DNER: variants seen among roughly 807,000 people sequenced by gnomAD.
The protein encoded by DNER is delta/notch like EGF repeat containing, also known as delta and Notch-like epidermal growth factor-related receptor.
DNER carries 33 observed loss-of-function variants against 78.2 expected under a neutral mutation model. That is an observed-to-expected ratio of 0.42 (90% CI 0.32 to 0.56). DNER has a LOEUF of 0.56. DNER is among the 20% of genes least tolerant of loss of function. DNER has a pLI of 0.11. For missense variants in DNER, 918 were observed against 975.3 expected (o/e 0.94, Z 0.78); for synonymous variants, 417 against 384.8 (o/e 1.08, Z -0.98).
chr2:229,423,891 A>G (rs899437351), intron 8 of DNER, among the ~76,000 whole-genome samples: 1 of 152,184 alleles, frequency 6.6e-6, no homozygotes, highest in African/African-American at 2.4e-5. Context: ...CCATCGTAGC[A>G]TTTGTAACTG....
At chr2:229,434,532 T>A (rs975368596) in intron 8 of DNER, among the ~76,000 whole-genome samples, 3 of 152,098 alleles carry the variant, frequency 2.0e-5, no homozygotes, top group African/African-American at 7.3e-5. Context: ...CTCAATTATA[T>A]GAGTAAATTC....
At position 229,418,131 on chromosome 2, in the gene DNER, C is replaced by T. The variant is rs758825845; in HGVS notation, c.1586G>A (p.Cys529Tyr). Residue 529 changes from cysteine to tyrosine, a missense_variant, in exon 9 of 13, where the codon TGT becomes TAT. By Grantham distance (194) the Cys-to-Tyr change is radical. Coordinates refer to ENST00000341772, the MANE Select transcript of DNER (RefSeq NM_139072.4). ...TCRDLVNGYE[C>Y]VCLAEYKGTH... Reference sequence around the variant, plus strand: ...ACCTTTGTATTCTGCCAGGCACACACACTCATAGCCATTAACGAGGTCCCT... The same window carrying T: ...ACCTTTGTATTCTGCCAGGCACACATACTCATAGCCATTAACGAGGTCCCT... 1 of 1,614,196 alleles carries T rather than the reference C, an allele frequency of 6.2e-7. No homozygotes were observed. The highest frequency in any genetic ancestry group is 2.2e-5 in the East Asian group (1 of 44,878).
chr2:229,649,554 C>A (rs147820108), intron 1 of DNER, among the ~76,000 whole-genome samples: 1 of 152,298 alleles, frequency 6.6e-6, no homozygotes, highest in Non-Finnish European at 1.5e-5. Flanking sequence ...CGCCAAGATG[C>A]GCACAACTCT....
chr2:229,475,919 G>C (rs987357995), intron 7 of DNER, among the ~76,000 whole-genome samples: 3 of 152,188 alleles, frequency 2.0e-5, no homozygotes, highest in Admixed American at 6.5e-5. Context: ...GACTAACCAA[G>C]GGCGTGACAG....
intron 2 of DNER, among the ~76,000 whole-genome samples, chr2:229,590,741 G>T (rs778354313): frequency 6.6e-6 from 1 of 152,220 alleles, no homozygotes; most frequent in Non-Finnish European, 1.5e-5. Context: ...CTTGATCGTG[G>T]ACTTCCTTGT....
intron 6 of DNER, among the ~76,000 whole-genome samples, chr2:229,501,083 T>C (rs186688590): frequency 1.3e-5 from 2 of 152,042 alleles, no homozygotes; most frequent in East Asian, 3.9e-4. Context: ...GACTCTCAAA[T>C]AGGCAAACTC....
At chr2:229,586,423 A>AC (rs1198212300) in intron 3 of DNER, among the ~76,000 whole-genome samples, 4 of 96,782 alleles carry the variant, frequency 4.1e-5, no homozygotes, top group Non-Finnish European at 6.0e-5. Flanking sequence ...TTTCCCCAAC[A>AC]CCCCCCACCC....
intron 5 of DNER, among the ~76,000 whole-genome samples, chr2:229,518,401 T>A (rs1194958285): frequency 6.6e-6 from 1 of 152,258 alleles, no homozygotes; most frequent in African/African-American, 2.4e-5. Context: ...ACATGTTCTA[T>A]GTCAGATAAC....
chr2:229,648,642 G>A (rs977135307), intron 1 of DNER, among the ~76,000 whole-genome samples: 1 of 152,112 alleles, frequency 6.6e-6, no homozygotes. Flanking sequence ...GTTTTCCAAA[G>A]AATTCTTTTT....
At chr2:229,609,391 T>C (rs1698002629) in intron 1 of DNER, among the ~76,000 whole-genome samples, 1 of 152,042 alleles carries the variant, frequency 6.6e-6, no homozygotes, top group Admixed American at 6.6e-5. Flanking sequence ...TTTTTAAAGG[T>C]TGGAAAAATC....
At chr2:229,452,600 C>T (rs556698233) in intron 7 of DNER, among the ~76,000 whole-genome samples, 1 of 151,784 alleles carries the variant, frequency 6.6e-6, no homozygotes, top group African/African-American at 2.4e-5. Flanking sequence ...CCTGTTTGAG[C>T]CTTGTCTATT....
intron 1 of DNER, among the ~76,000 whole-genome samples, chr2:229,657,714 A>G (rs1698935195): frequency 6.6e-6 from 1 of 152,174 alleles, no homozygotes; most frequent in Non-Finnish European, 1.5e-5. Context: ...CTTTCAACCT[A>G]GTTCTTGTAT....
chr2:229,683,998 G>A (rs922698340), intron 1 of DNER, among the ~76,000 whole-genome samples: 2 of 152,114 alleles, frequency 1.3e-5, no homozygotes, highest in Non-Finnish European at 2.9e-5. Flanking sequence ...ACCTAAGGCT[G>A]GTCTTGTGGG....
intron 5 of DNER, among the ~76,000 whole-genome samples, chr2:229,536,657 C>T (rs564748512): frequency 2.0e-5 from 3 of 152,280 alleles, no homozygotes; most frequent in Non-Finnish European, 2.9e-5. Flanking sequence ...TCATTTTCTG[C>T]TCTTGGGCAT....
intron 8 of DNER, among the ~76,000 whole-genome samples, chr2:229,423,388 G>A (rs925316818): frequency 6.6e-6 from 1 of 152,082 alleles, no homozygotes; most frequent in African/African-American, 2.4e-5. Flanking sequence ...GCTGAGGCAG[G>A]TGGATCACTT....
Position 229,367,019 on chromosome 2 carries a change from A to G in DNER, c.1956T>C (p.Leu652=). ...IIGALCVAFI[L]MLIILIVGIC... ...TCCCCACGATCAGGATGATCAGCAT[A>G]AGGATGAAGGCCACGCAGAGGGCTC... The change falls in exon 12 of 13, where the codon CTT becomes CTC. Residue 652 remains leucine (L), a synonymous_variant. Transcript: ENST00000341772. 6.2e-7 allele frequency: 1 copy of G among 1,614,078 alleles called. No individual in the cohort carries two copies. Among genetic ancestry groups the G allele is most frequent in the Non-Finnish European group, 8.5e-7 (1 of 1,179,982 alleles).
chr2:229,668,600 C>T (rs183646799), intron 1 of DNER, among the ~76,000 whole-genome samples: 167 of 121,178 alleles, frequency 1.4e-3, no homozygotes, highest in Admixed American at 0.014. Context: ...ATTTATGTGG[C>T]CAACAAACAT....
At chr2:229,363,984 G>GCTTTTT (rs1692278505) in intron 12 of DNER, among the ~76,000 whole-genome samples, 1 of 111,534 alleles carries the variant, frequency 9.0e-6, no homozygotes, top group Non-Finnish European at 1.8e-5. Flanking sequence ...TCAATTCTCT[G>GCTTTTT]CTTTTTTTTT....
chr2:229,488,502 G>A (rs764408066), intron 6 of DNER, among the ~76,000 whole-genome samples: 52 of 152,176 alleles, frequency 3.4e-4, no homozygotes, highest in Non-Finnish European at 5.3e-4. Flanking sequence ...GTGTTCTTGC[G>A]TGTGTGTTTT....
Sources: gnomAD v4.1 joint callset for allele counts (sites outside exome capture counted in the v4.1 genomes callset) on GRCh38, gnomAD v4.1.1 for gene constraint, MANE v1.5 for transcripts, NCBI Gene and HGNC (gene_info 2026-07-23, HGNC 2026-07-21) for gene names.